Variants in GALNT15 observed in about 807,000 individuals in gnomAD.
GALNT15 encodes the protein UDP-GalNAc transferase T15.
In GALNT15, 67 loss-of-function variants were observed where a neutral mutation model predicts 66.8. That is an observed-to-expected ratio of 1.00 (90% confidence interval 0.82 to 1.23). GALNT15 has a LOEUF of 1.23. Among genes scored for constraint, GALNT15 ranks in the 50% most tolerant of loss-of-function variants. The pLI, the probability that GALNT15 is intolerant of heterozygous loss-of-function variation, is 0.00. For missense variants in GALNT15, 827 were observed against 804.3 expected, an observed-to-expected ratio of 1.03 and a Z score of -0.34; for synonymous variants, 313 against 311.5, an observed-to-expected ratio of 1.00 and a Z score of -0.05.
intron 6 of GALNT15, among the ~76,000 whole-genome samples, chr3:16,215,379 C>T (rs190314013): frequency 6.6e-6 from 1 of 152,290 alleles, no homozygotes; most frequent in Non-Finnish European, 1.5e-5. Context: ...TTCTATAAAA[C>T]AGAAAACTGA....
chr3:16,208,997 T>C (rs1380472083), intron 4 of GALNT15, among the ~76,000 whole-genome samples: 1 of 152,168 alleles, frequency 6.6e-6, no homozygotes, highest in East Asian at 1.9e-4. Context: ...AATGCCCCAG[T>C]GTGTGGCAAC....
Position 16,175,144 on chromosome 3 carries a change from C to T in GALNT15, c.-8C>T. The T allele has an allele frequency of 1.2e-6, 2 of 1,604,510 alleles. No homozygotes were observed. Among genetic ancestry groups the T allele is most frequent in the Non-Finnish European group, 8.5e-7 (1 of 1,172,746 alleles). On this transcript the variant is annotated 5_prime_UTR_variant, in exon 1 of 10. Transcript: ENST00000339732. This position sits in a 1 kb window ranked among gnomAD's most constrained non-coding sequence, Gnocchi z 5.6. Reference sequence around the variant, plus strand: ...CATGACCTGTTGCATTTGGCAAGTTCTAGCAACATGCTCCTAAGGAAGCGA... The same window carrying T: ...CATGACCTGTTGCATTTGGCAAGTTTTAGCAACATGCTCCTAAGGAAGCGA...
downstream of GALNT15, among the ~76,000 whole-genome samples, chr3:16,233,725 A>C (rs1290598976): frequency 6.6e-6 from 1 of 152,096 alleles, no homozygotes; most frequent in Non-Finnish European, 1.5e-5. Flanking sequence ...CAACTGACTA[A>C]TCTTGATGGA....
In GALNT15 at chr3:16,208,541, G is replaced by A; in HGVS notation, c.950G>A (p.Trp317Ter). 3 of 1,614,120 alleles carry A rather than the reference G, an allele frequency of 1.9e-6. No individual in the cohort carries two copies. Among genetic ancestry groups the A allele is most frequent in the Non-Finnish European group, 2.5e-6 (3 of 1,180,024 alleles). The stretch of plus-strand genomic sequence containing the variant: ...TCTCCGGTGATAGATGTGATTGACT[G>A]GAAGACTTTCCAGTATTACCCCTCA... Reference protein sequence around the residue: ...VVSPVIDVIDWKTFQYYPSKD... With the variant: ...VVSPVIDVID The change falls in exon 4 of 10, where the codon TGG becomes TAG. Residue 317 changes from tryptophan to a stop codon, truncating the protein, a stop_gained. Coordinates refer to ENST00000339732, the MANE Select transcript of GALNT15 (RefSeq NM_054110.5). LOFTEE classifies it high-confidence loss of function.
intron 6 of GALNT15, among the ~76,000 whole-genome samples, chr3:16,217,881 G>T (rs919302939): frequency 6.6e-6 from 1 of 152,188 alleles, no homozygotes; most frequent in African/African-American, 2.4e-5. Context: ...AAGCCATCAA[G>T]AAACTTATAC....
the GALNT15 span, among the ~76,000 whole-genome samples, chr3:16,237,289 A>G: frequency 6.6e-6 from 1 of 152,216 alleles, no homozygotes; most frequent in Non-Finnish European, 1.5e-5. The surrounding 1 kb of genome is among the most constrained non-coding windows in gnomAD (Gnocchi z 4.2). Flanking sequence ...TGAAGCCAAT[A>G]CAAGCTCATA....
At chr3:16,177,353 CTG>C (rs1235228626) in intron 1 of GALNT15, among the ~76,000 whole-genome samples, 2 of 152,148 alleles carry the variant, frequency 1.3e-5, no homozygotes, top group East Asian at 1.9e-4. Context: ...GTGTGTGTGA[CTG>C]TGTGTTTGCA....
the GALNT15 span, among the ~76,000 whole-genome samples, chr3:16,246,320 GGT>G: frequency 3.9e-5 from 5 of 128,912 alleles, no homozygotes; most frequent in African/African-American, 1.6e-4. Context: ...TTTTGAAAGT[GGT>G]TTTTTTTTTT....
chr3:16,217,287 T>C (rs1036489543), intron 6 of GALNT15, among the ~76,000 whole-genome samples: 2 of 152,214 alleles, frequency 1.3e-5, no homozygotes, highest in African/African-American at 4.8e-5. Context: ...TTCACAGATG[T>C]CCACTTTGTT....
At chr3:16,223,495 G>T (rs541573177) in intron 9 of GALNT15, among the ~76,000 whole-genome samples, 3 of 152,218 alleles carry the variant, frequency 2.0e-5, no homozygotes, top group African/African-American at 7.2e-5. Context: ...TTCAACTTCT[G>T]CTGGGGAATA....
chr3:16,241,901 G>A, the GALNT15 span, among the ~76,000 whole-genome samples: 1 of 152,138 alleles, frequency 6.6e-6, no homozygotes, highest in Non-Finnish European at 1.5e-5. The surrounding 1 kb of genome is among the most constrained non-coding windows in gnomAD (Gnocchi z 4.6). Context: ...CTGCTTCATG[G>A]GGCTCTAACT....
chr3:16,219,216 T>A lies in GALNT15; in HGVS notation c.1393-187T>A, dbSNP rs1480541476. Among the ~76,000 whole-genome samples the A allele has an allele frequency of 6.6e-6, 1 of 152,136 alleles. No homozygotes were observed. Among genetic ancestry groups the A allele is most frequent in the Non-Finnish European group, 1.5e-5 (1 of 68,034 alleles). On this transcript the variant is annotated intron_variant, in intron 6 of 9. Transcript: ENST00000339732. The surrounding 1 kb of genome is among the most constrained non-coding windows in gnomAD (Gnocchi z 4.3). ...TCTCTGTAGGGAAGATCTGTGCTAT[T>A]CTATCCCTTCCAGACCTTCTTCTCC... is the stretch of plus-strand genomic sequence containing the variant.
chr3:16,248,146 C>G, the GALNT15 span, among the ~76,000 whole-genome samples: 1 of 152,160 alleles, frequency 6.6e-6, no homozygotes, highest in Non-Finnish European at 1.5e-5. The surrounding 1 kb of genome is among the most constrained non-coding windows in gnomAD (Gnocchi z 4.9). Context: ...CTCCCCCGCT[C>G]AAAACACATG....
chr3:16,219,969 C>T lies in GALNT15; in HGVS notation c.1584C>T (p.Gly528=), dbSNP rs751037402. The change falls in exon 8 of 10, where the codon GGC becomes GGT. Residue 528 remains glycine, a synonymous_variant. Transcript: ENST00000339732. This position sits in a 1 kb window ranked among gnomAD's most constrained non-coding sequence, Gnocchi z 4.3. ...ADCQAEGDIL[G]CPMVLAPCSD... ...GCCAGGCAGAAGGGGACATCCTGGG[C>T]TGTCCCATGGTGTTGGCTCCTTGCA... The T allele has an allele frequency of 1.9e-6, 3 of 1,614,058 alleles. No individual in the cohort carries two copies. The Admixed American group carries it at 5.0e-5, about 27-fold the overall frequency.
downstream of GALNT15, among the ~76,000 whole-genome samples, chr3:16,233,317 ACTC>A (rs1203909023): frequency 6.7e-6 from 1 of 149,060 alleles, no homozygotes; most frequent in Non-Finnish European, 1.5e-5. Flanking sequence ...CTGGTCTTGA[ACTC>A]CTGACCTCAG....
chr3:16,178,859 C>A (rs756934312), intron 1 of GALNT15, among the ~76,000 whole-genome samples: 35 of 152,324 alleles, frequency 2.3e-4, no homozygotes, highest in Non-Finnish European at 4.7e-4. Flanking sequence ...CTGTAGCGCA[C>A]CCCGTGCTAT....
intron 1 of GALNT15, among the ~76,000 whole-genome samples, chr3:16,185,929 T>C (rs1381858836): frequency 6.6e-6 from 1 of 152,202 alleles, no homozygotes; most frequent in Non-Finnish European, 1.5e-5. Context: ...ACGCACCTTA[T>C]CAAAACTTAG....
Position 16,200,513 on chromosome 3 carries a change from G to T in GALNT15, c.707-106G>T. On this transcript the variant is annotated intron_variant, in intron 2 of 9. Coordinates refer to ENST00000339732, the MANE Select transcript of GALNT15 (RefSeq NM_054110.5). This position sits in a 1 kb window ranked among gnomAD's most constrained non-coding sequence, Gnocchi z 4.4. ...AATGTTTTCGGTTCTTAGGACCCAGGTGCTCACCACAGCTTCCAAAAGAGA... is the reference window on the plus strand; with the variant it reads ...AATGTTTTCGGTTCTTAGGACCCAGTTGCTCACCACAGCTTCCAAAAGAGA... 4 of 841,306 alleles carry T rather than the reference G, an allele frequency of 4.8e-6. No homozygotes were observed. The highest frequency in any genetic ancestry group is 7.0e-6 in the Non-Finnish European group (4 of 572,800). 52.1% of individuals were successfully genotyped at this position (841,306 alleles called of 1,614,324 possible).
rs2063993228 is a variant in GALNT15, at chr3:16,225,222, C to T, written c.1774-2132C>T. 6.6e-6 allele frequency among the ~76,000 whole-genome samples: 1 copy of T among 152,152 alleles called. No individual in the cohort carries two copies. Among genetic ancestry groups the T allele is most frequent in the Admixed American group, 6.5e-5 (1 of 15,278 alleles). ...CGCTATCAAGAAGACAGCACGAAGC[C>T]ATGAGGGATCTGTCCCCATGATCCA... is the stretch of plus-strand genomic sequence containing the variant. On this transcript the variant is annotated intron_variant, in intron 9 of 9. Transcript: ENST00000339732. The surrounding 1 kb of genome is among the most constrained non-coding windows in gnomAD (Gnocchi z 4.4).
Sources: gnomAD v4.1 joint callset for allele counts (sites outside exome capture counted in the v4.1 genomes callset) on GRCh38, gnomAD v4.1.1 for gene constraint, Gnocchi (gnomAD v3.1) non-coding constraint, MANE v1.5 for transcripts, NCBI Gene and HGNC (gene_info 2026-07-23, HGNC 2026-07-21) for gene names.